ENPP6: variants seen among roughly 807,000 people sequenced by gnomAD.
The protein encoded by ENPP6 is glycerophosphocholine cholinephosphodiesterase ENPP6.
Under a neutral mutation model 42.0 loss-of-function variants are expected in ENPP6, and 32 were observed. That is an observed-to-expected ratio of 0.76 (90% CI 0.58 to 1.02). ENPP6 has a LOEUF of 1.02. Ranked by LOEUF, ENPP6 falls within the 50% of genes least tolerant of loss-of-function variation. ENPP6 has a pLI of 0.00. For missense variants in ENPP6, 552 were observed against 566.8 expected (o/e 0.97, Z 0.27); for synonymous variants, 213 against 216.0 (o/e 0.99, Z 0.12).
chr4:184,102,264 G>C (rs1382728381), intron 6 of ENPP6, among the ~76,000 whole-genome samples: 3 of 152,176 alleles, frequency 2.0e-5, no homozygotes, highest in Non-Finnish European at 4.4e-5. Context: ...TGTCTGGGGA[G>C]CACACTCAGA....
intron 3 of ENPP6, among the ~76,000 whole-genome samples, chr4:184,119,812 C>A (rs1206028180): frequency 6.6e-6 from 1 of 152,096 alleles, no homozygotes; most frequent in Non-Finnish European, 1.5e-5. Context: ...AAGGGATTTC[C>A]CCCCTTTTGC....
At chr4:184,165,679 A>G (rs1737338308) in intron 1 of ENPP6, among the ~76,000 whole-genome samples, 1 of 152,178 alleles carries the variant, frequency 6.6e-6, no homozygotes, top group South Asian at 2.1e-4. Context: ...TCAACAAAGG[A>G]GATGGTAATG....
intron 1 of ENPP6, among the ~76,000 whole-genome samples, chr4:184,204,518 C>A (rs1037149679): frequency 1.5e-4 from 23 of 152,150 alleles, no homozygotes; most frequent in Non-Finnish European, 3.4e-4. Context: ...TGGTTCCATG[C>A]GTGGCTGTTG....
At chr4:184,101,212 T>G (rs1735995422) in intron 6 of ENPP6, among the ~76,000 whole-genome samples, 1 of 151,800 alleles carries the variant, frequency 6.6e-6, no homozygotes, top group Non-Finnish European at 1.5e-5. Context: ...TGTGAGTGCA[T>G]GAGTGTAAGC....
intron 1 of ENPP6, among the ~76,000 whole-genome samples, chr4:184,193,622 C>T (rs1732738665): frequency 1.3e-5 from 2 of 152,258 alleles, no homozygotes; most frequent in African/African-American, 4.8e-5. Flanking sequence ...GATTTTATAA[C>T]ATGTAAATTA....
chr4:184,105,761 G>A (rs1233791021), intron 6 of ENPP6, among the ~76,000 whole-genome samples: 1 of 152,130 alleles, frequency 6.6e-6, no homozygotes, highest in Non-Finnish European at 1.5e-5. Context: ...GGGCCATAGG[G>A]AGCTCTTTCC....
At chr4:184,171,906 T>C (rs1374805268) in intron 1 of ENPP6, among the ~76,000 whole-genome samples, 1 of 151,994 alleles carries the variant, frequency 6.6e-6, no homozygotes, top group African/African-American at 2.4e-5. Flanking sequence ...AGAAGACAGA[T>C]CATGAACATG....
chr4:184,181,279 A>C (rs1422314187), intron 1 of ENPP6, among the ~76,000 whole-genome samples: 1 of 152,204 alleles, frequency 6.6e-6, no homozygotes, highest in African/African-American at 2.4e-5. Flanking sequence ...AAGAGAATGA[A>C]ATACTTAGGA....
rs549779888 is a variant in ENPP6, at chr4:184,155,535, C to T, written c.242-1802G>A. 7.9e-5 allele frequency among the ~76,000 whole-genome samples: 12 copies of T among 152,198 alleles called. No individual in the cohort carries two copies. The East Asian group carries it at 2.3e-3, about 29-fold the overall frequency. ...GGAAGGGGGTGTGGGAAGCATCATT[C>T]CTGAGGTCAGGAACCAAAGAAGAGC... On this transcript the variant is annotated intron_variant, in intron 1 of 7. Transcript: ENST00000296741.
chr4:184,168,498 C>CT (rs1737397634), intron 1 of ENPP6, among the ~76,000 whole-genome samples: 1 of 144,154 alleles, frequency 6.9e-6, no homozygotes, highest in Non-Finnish European at 1.5e-5. Context: ...AAGCTGGAAG[C>CT]TTTGCACGGG....
At chr4:184,136,731 T>C (rs1442142095) in intron 2 of ENPP6, among the ~76,000 whole-genome samples, 1 of 152,232 alleles carries the variant, frequency 6.6e-6, no homozygotes, top group Non-Finnish European at 1.5e-5. Context: ...ATTGCCCCAC[T>C]GAACAATTTT....
At chr4:184,092,497 G>A (rs954998391) in intron 7 of ENPP6, among the ~76,000 whole-genome samples, 9 of 152,214 alleles carry the variant, frequency 5.9e-5, no homozygotes, top group African/African-American at 2.2e-4. Context: ...GCAGCACGGT[G>A]AGTGAGGGAC....
At chr4:184,107,014 C>T (rs74797745) in intron 6 of ENPP6, among the ~76,000 whole-genome samples, 8,600 of 152,256 alleles carry the variant, frequency 0.056, 742 homozygotes, top group African/African-American at 0.18. Flanking sequence ...TTAGCATCGC[C>T]GAGCCTGCCT....
rs150438208 is a variant in ENPP6 at position 184,094,459 on chromosome 4, C to T, written c.1117+2786G>A. Among the ~76,000 whole-genome samples, 381 of 152,388 alleles carry T rather than the reference C, an allele frequency of 2.5e-3. 2 individuals are homozygous for T. The highest frequency in any genetic ancestry group is 8.4e-3 in the African/African-American group (348 of 41,592). ...TTTCCCATCCCACCTAGTTCGTGGC[C>T]TCCTGCTGCGCAGGGATAGTGCTTT... On this transcript the variant is annotated intron_variant, in intron 7 of 7. Coordinates refer to ENST00000296741, the MANE Select transcript of ENPP6 (RefSeq NM_153343.4).
chr4:184,102,901 G>C (rs1163834309), intron 6 of ENPP6, among the ~76,000 whole-genome samples: 1 of 152,270 alleles, frequency 6.6e-6, no homozygotes, highest in Non-Finnish European at 1.5e-5. Flanking sequence ...ATGTCCCCCA[G>C]GTGGTCGGGA....
intron 6 of ENPP6, among the ~76,000 whole-genome samples, chr4:184,098,754 A>G (rs995209060): frequency 6.6e-6 from 1 of 152,240 alleles, no homozygotes; most frequent in Non-Finnish European, 1.5e-5. Context: ...CAGAGGCTGC[A>G]GCCAGCTGAG....
chr4:184,188,024 A>G (rs1353465278), intron 1 of ENPP6, among the ~76,000 whole-genome samples: 2 of 152,208 alleles, frequency 1.3e-5, no homozygotes, highest in African/African-American at 4.8e-5. Context: ...AATTAAAATA[A>G]GGTTTATGAC....
At chr4:184,104,004 C>CTTCTT (rs967848610) in intron 6 of ENPP6, among the ~76,000 whole-genome samples, 7 of 140,996 alleles carry the variant, frequency 5.0e-5, no homozygotes, top group African/African-American at 1.8e-4. Context: ...GGGTTTCTTT[C>CTTCTT]TTCTTTTCTT....
chr4:184,122,118 G>C (rs1358794071), intron 3 of ENPP6, among the ~76,000 whole-genome samples: 1 of 152,082 alleles, frequency 6.6e-6, no homozygotes, highest in African/African-American at 2.4e-5. Flanking sequence ...TGTTAACTTT[G>C]GCAATATGAA....
Sources: gnomAD v4.1 joint callset for allele counts (sites outside exome capture counted in the v4.1 genomes callset) on GRCh38, gnomAD v4.1.1 for gene constraint, MANE v1.5 for transcripts, NCBI Gene and HGNC (gene_info 2026-07-23, HGNC 2026-07-21) for gene names.